The following CPVL variants were observed in gnomAD, a reference collection of about 807,000 sequenced individuals.
CPVL encodes probable serine carboxypeptidase CPVL.
A neutral mutation model predicts 63.7 loss-of-function variants in CPVL; 51 were observed. That is an observed-to-expected ratio of 0.80 (90% CI 0.64 to 1.01). The LOEUF (loss-of-function observed/expected upper bound fraction) is 1.01. Ranked by LOEUF, CPVL falls within the 50% of genes least tolerant of loss-of-function variation. The pLI is 0.00. For synonymous variants in CPVL, 195 were observed against 206.0 expected, an observed-to-expected ratio of 0.95 and a Z score of 0.46; for missense variants, 530 against 573.1, an observed-to-expected ratio of 0.92 and a Z score of 0.77.
intron 3 of CPVL, among the ~76,000 whole-genome samples, chr7:29,184,977 G>A (rs1430908850): frequency 6.6e-6 from 1 of 152,170 alleles, no homozygotes; most frequent in Non-Finnish European, 1.5e-5. Flanking sequence ...TGCCACCATT[G>A]AGAGTAGATG....
At chr7:29,041,891 T>C (rs1006554954) in intron 11 of CPVL, among the ~76,000 whole-genome samples, 10 of 152,178 alleles carry the variant, frequency 6.6e-5, no homozygotes, top group African/African-American at 2.4e-4. Flanking sequence ...ATATATAGTG[T>C]TAAGGACAAT....
intron 5 of CPVL, among the ~76,000 whole-genome samples, chr7:29,179,169 A>G (rs868635715): frequency 1.3e-5 from 2 of 152,176 alleles, no homozygotes; most frequent in African/African-American, 4.8e-5. Context: ...GCTTGGGCAT[A>G]AGGCTTATTT....
intron 7 of CPVL, among the ~76,000 whole-genome samples, chr7:29,077,119 G>T (rs1420706103): frequency 2.6e-5 from 4 of 152,148 alleles, no homozygotes; most frequent in Non-Finnish European, 5.9e-5. Context: ...TACTTTCAAG[G>T]AAGGGAAAAA....
intron 5 of CPVL, among the ~76,000 whole-genome samples, chr7:29,178,232 G>T (rs1233675294): frequency 6.6e-6 from 1 of 152,150 alleles, no homozygotes; most frequent in African/African-American, 2.4e-5. Flanking sequence ...CTGCCAAAGT[G>T]ATCTTTTCAG....
chr7:29,189,732 A>G (rs1012716703), intron 1 of CPVL, among the ~76,000 whole-genome samples: 20 of 151,824 alleles, frequency 1.3e-4, no homozygotes, highest in African/African-American at 4.6e-4. Flanking sequence ...CCAGTCAAAG[A>G]GACTGCAGCG....
intron 6 of CPVL, among the ~76,000 whole-genome samples, chr7:29,089,560 A>G (rs1320469073): frequency 6.6e-6 from 1 of 152,162 alleles, no homozygotes; most frequent in Non-Finnish European, 1.5e-5. Context: ...GCAGCTTTCC[A>G]TAAGACATGC....
chr7:29,151,577 C>T (rs994632878), intron 5 of CPVL, among the ~76,000 whole-genome samples: 4 of 152,126 alleles, frequency 2.6e-5, no homozygotes, highest in African/African-American at 7.2e-5. Context: ...GTTTGCCCAA[C>T]ACTTTTTATA....
rs183824410 is a variant in CPVL, at chr7:29,183,970, G to A, written c.-134+451C>T. Among the ~76,000 whole-genome samples the A allele has an allele frequency of 1.6e-3, 242 of 152,180 alleles. 1 individual carries two copies. Among genetic ancestry groups the A allele is most frequent in the Non-Finnish European group, 2.7e-3 (182 of 68,008 alleles). On this transcript the variant is annotated intron_variant, in intron 4 of 16. Coordinates refer to the CPVL transcript ENST00000409850. The stretch of plus-strand genomic sequence containing the variant: ...ATAGCATTTACATAGTATAGGTATT[G>A]TAAGTAATCTAGACATGATTCAAAG...
Position 29,025,476 on chromosome 7 carries a change from C to T in CPVL, c.1320+5101G>A, listed in dbSNP as rs568535862. On this transcript the variant is annotated intron_variant, in intron 12 of 12. Transcript: ENST00000265394. ...ACCAAGGGATTGGTGCAAAGCCATT[C>T]ATGAGGAATCTTCCCCATCACACAA... Among the ~76,000 whole-genome samples the T allele has an allele frequency of 1.6e-4, 25 of 152,290 alleles. No individual in the cohort carries two copies. In the South Asian group the frequency reaches 5.2e-3, roughly 32 times the overall value.
chr7:29,076,104 C>G (rs1016521859), intron 7 of CPVL, among the ~76,000 whole-genome samples: 3 of 151,974 alleles, frequency 2.0e-5, no homozygotes, highest in African/African-American at 4.8e-5. Flanking sequence ...TTTGCCTTTT[C>G]CTGTATATAT....
chr7:29,136,939 T>C (rs894341915), intron 1 of CPVL, among the ~76,000 whole-genome samples: 1 of 152,180 alleles, frequency 6.6e-6, no homozygotes, highest in Admixed American at 6.5e-5. Context: ...CTGAATCTCC[T>C]AGATGTTCTT....
At chr7:29,133,369 G>A (rs1020135896) in intron 1 of CPVL, among the ~76,000 whole-genome samples, 3 of 152,104 alleles carry the variant, frequency 2.0e-5, no homozygotes, top group Admixed American at 6.5e-5. Context: ...CAAATTTATC[G>A]ATGCCTTGCC....
At chr7:29,041,788 C>T (rs1484972541) in intron 11 of CPVL, among the ~76,000 whole-genome samples, 1 of 151,962 alleles carries the variant, frequency 6.6e-6, no homozygotes, top group Non-Finnish European at 1.5e-5. Flanking sequence ...CTAAGATACA[C>T]ACAGGATTCT....
intron 5 of CPVL, among the ~76,000 whole-genome samples, chr7:29,179,636 A>T (rs1797814154): frequency 6.6e-6 from 1 of 152,264 alleles, no homozygotes; most frequent in African/African-American, 2.4e-5. Flanking sequence ...ACTCTGATAT[A>T]TGTAAATAAA....
chr7:29,164,565 A>G (rs1795642464), intron 5 of CPVL, among the ~76,000 whole-genome samples: 1 of 151,894 alleles, frequency 6.6e-6, no homozygotes, highest in African/African-American at 2.4e-5. Flanking sequence ...CGGGCAGATC[A>G]TTTGAACTCA....
chr7:29,185,752 C>A (rs545862916), intron 2 of CPVL, among the ~76,000 whole-genome samples: 2 of 152,150 alleles, frequency 1.3e-5, no homozygotes, highest in African/African-American at 2.4e-5. Context: ...AACCATCGCC[C>A]TAGGACCTTT....
At chr7:29,175,132 G>A (rs1797120990) in intron 5 of CPVL, among the ~76,000 whole-genome samples, 1 of 151,674 alleles carries the variant, frequency 6.6e-6, no homozygotes, top group Admixed American at 6.6e-5. Flanking sequence ...CTGTTCTCAT[G>A]GCAGTGAATA....
At chr7:29,009,966 A>C (rs1307773723) in intron 12 of CPVL, 4 of 152,206 alleles carry the variant, frequency 2.6e-5, no homozygotes, top group Non-Finnish European at 5.9e-5. Flanking sequence ...TGCAAAAATG[A>C]ATCTTTAGGA....
intron 1 of CPVL, among the ~76,000 whole-genome samples, chr7:29,129,643 C>A (rs1009019603): frequency 6.6e-6 from 1 of 151,888 alleles, no homozygotes; most frequent in Admixed American, 6.6e-5. Flanking sequence ...TAATTTTTTG[C>A]ATTTTAGTAG....
Sources: allele counts gnomAD v4.1 joint callset (sites outside exome capture counted in the v4.1 genomes callset), GRCh38; gene constraint gnomAD v4.1.1; transcripts MANE v1.5; gene names NCBI Gene and HGNC (gene_info 2026-07-23, HGNC 2026-07-21).